The following CNTNAP2 variants were observed in gnomAD, a reference collection of about 807,000 sequenced individuals.
The protein encoded by CNTNAP2 is contactin-associated protein-like 2.
Under a neutral mutation model 155.2 loss-of-function variants are expected in CNTNAP2, and 98 were observed. The observed-to-expected ratio is 0.63, with a 90% CI of 0.54 to 0.75. CNTNAP2 has a LOEUF of 0.75. Among genes scored for constraint, CNTNAP2 ranks in the 30% least tolerant of loss-of-function variants. CNTNAP2 has a pLI of 0.00. For missense variants in CNTNAP2, 1,727 were observed against 1,688.1 expected, an observed-to-expected ratio of 1.02 and a Z score of -0.40; for synonymous variants, 651 against 631.2, an observed-to-expected ratio of 1.03 and a Z score of -0.47.
intron 18 of CNTNAP2, among the ~76,000 whole-genome samples, chr7:148,212,600 C>A (rs1287069088): frequency 1.3e-5 from 2 of 152,156 alleles, no homozygotes; most frequent in Non-Finnish European, 2.9e-5. Flanking sequence ...TTAAACCAAG[C>A]ATTCTAAATC....
intron 1 of CNTNAP2, among the ~76,000 whole-genome samples, chr7:146,487,225 G>T (rs1355699440): frequency 6.6e-6 from 1 of 152,132 alleles, no homozygotes; most frequent in East Asian, 1.9e-4. Flanking sequence ...TTGTTTCAGT[G>T]CCAAACAATG....
chr7:148,255,572 T>TAA (rs1437497711), intron 20 of CNTNAP2, among the ~76,000 whole-genome samples: 1 of 152,210 alleles, frequency 6.6e-6, no homozygotes, highest in East Asian at 1.9e-4. Flanking sequence ...ATTTTTGATA[T>TAA]AAAACATAAA....
At chr7:147,730,308 A>G (rs903718538) in intron 13 of CNTNAP2, among the ~76,000 whole-genome samples, 6 of 152,050 alleles carry the variant, frequency 3.9e-5, no homozygotes, top group African/African-American at 1.4e-4. Context: ...ACTTTTCACA[A>G]ATTGAAGGTT....
chr7:147,781,701 T>C (rs1291419672), intron 13 of CNTNAP2, among the ~76,000 whole-genome samples: 1 of 152,094 alleles, frequency 6.6e-6, no homozygotes, highest in East Asian at 1.9e-4. Flanking sequence ...AGCTTACTAG[T>C]CAAGGAAGCC....
At chr7:146,563,297 T>C (rs1798308759) in intron 1 of CNTNAP2, among the ~76,000 whole-genome samples, 1 of 152,138 alleles carries the variant, frequency 6.6e-6, no homozygotes, top group South Asian at 2.1e-4. Context: ...CCTTTAGATA[T>C]TAATCATCCT....
chr7:148,115,227 T>C (rs536716045), intron 15 of CNTNAP2, among the ~76,000 whole-genome samples: 2 of 152,346 alleles, frequency 1.3e-5, no homozygotes, highest in African/African-American at 4.8e-5. Flanking sequence ...ACTACTTTTC[T>C]CCTCTCTGCG....
At chr7:146,176,036 C>A (rs926603268) in intron 1 of CNTNAP2, among the ~76,000 whole-genome samples, 6 of 151,988 alleles carry the variant, frequency 3.9e-5, no homozygotes, top group African/African-American at 1.2e-4. Context: ...TTATTGCTAC[C>A]CTTGGGGAAA....
At chr7:146,154,235 G>A (rs114219014) in intron 1 of CNTNAP2, among the ~76,000 whole-genome samples, 3,110 of 152,202 alleles carry the variant, frequency 0.02, 92 homozygotes, top group African/African-American at 0.065. Context: ...TTTTTGTGAT[G>A]TAATATAGTG....
chr7:148,144,596 G>A (rs945666563), intron 16 of CNTNAP2, among the ~76,000 whole-genome samples: 1 of 152,292 alleles, frequency 6.6e-6, no homozygotes, highest in Middle Eastern at 3.4e-3. Flanking sequence ...GCCTGCAAGT[G>A]GGGTAAAGTC....
intron 21 of CNTNAP2, among the ~76,000 whole-genome samples, chr7:148,354,612 C>A (rs902279848): frequency 6.6e-6 from 1 of 151,760 alleles, no homozygotes; most frequent in African/African-American, 2.4e-5. Flanking sequence ...AGGGGGCGAC[C>A]GGGAGGAAGC....
intron 22 of CNTNAP2, among the ~76,000 whole-genome samples, chr7:148,389,070 A>G (rs1156998857): frequency 6.6e-6 from 1 of 152,154 alleles, no homozygotes; most frequent in Non-Finnish European, 1.5e-5. Context: ...CAAAGCTCAG[A>G]TGGAAATGCA....
intron 1 of CNTNAP2, among the ~76,000 whole-genome samples, chr7:146,406,409 A>G (rs982254819): frequency 6.6e-6 from 1 of 152,228 alleles, no homozygotes; most frequent in Admixed American, 6.5e-5. Flanking sequence ...CTCTTCAGAC[A>G]TGGTTGAGGA....
At chr7:147,642,417 A>C (rs1449839848) in intron 13 of CNTNAP2, among the ~76,000 whole-genome samples, 1 of 152,132 alleles carries the variant, frequency 6.6e-6, no homozygotes, top group African/African-American at 2.4e-5. Flanking sequence ...GAGGTGGGAA[A>C]ATAGTTCACC....
At chr7:147,553,941 G>A (rs750432117) in intron 11 of CNTNAP2, among the ~76,000 whole-genome samples, 29 of 151,974 alleles carry the variant, frequency 1.9e-4, no homozygotes, top group Non-Finnish European at 4.3e-4. Context: ...CAGCCTAGGC[G>A]ACGAGCAAAA....
At chr7:147,350,810 A>C (rs981424717) in intron 9 of CNTNAP2, among the ~76,000 whole-genome samples, 1 of 151,886 alleles carries the variant, frequency 6.6e-6, no homozygotes, top group African/African-American at 2.4e-5. Flanking sequence ...ATTTGTTCCT[A>C]GTCCATGTGC....
chr7:146,468,941 A>C (rs1425328694), intron 1 of CNTNAP2, among the ~76,000 whole-genome samples: 1 of 152,220 alleles, frequency 6.6e-6, no homozygotes, highest in East Asian at 1.9e-4. Context: ...TTTAAAAAAA[A>C]CTGTGGAAGA....
chr7:146,721,859 A>ATGTGTGTGTG lies in CNTNAP2; in HGVS notation c.98-52404_98-52395dup, dbSNP rs1339848281. ...GTCTATATATATATTCTACATTTATATGTGTGTGTGTGTGTGTATATATAT... is the reference window on the plus strand; with the variant it reads ...GTCTATATATATATTCTACATTTATATGTGTGTGTGTGTGTGTGTGTGTGTGTATATATAT... On this transcript the variant is annotated intron_variant, in intron 1 of 23. Coordinates refer to ENST00000361727, the MANE Select transcript of CNTNAP2 (RefSeq NM_014141.6). 6.5e-5 allele frequency among the ~76,000 whole-genome samples: 6 copies of ATGTGTGTGTG among 92,710 alleles called. No homozygotes were observed. The African/African-American group carries it at 6.6e-4, about 10-fold the overall frequency. The allele number at this position is 92,710 out of a possible 152,430, so 60.8% of individuals were successfully genotyped here.
intron 2 of CNTNAP2, among the ~76,000 whole-genome samples, chr7:146,797,477 T>G (rs1802791922): frequency 6.6e-6 from 1 of 152,196 alleles, no homozygotes. Context: ...ACAGACTATT[T>G]CACTAATAAC....
rs960906739 is a variant in CNTNAP2, at chr7:146,602,657, T to A, written c.98-171614T>A. On this transcript the variant is annotated intron_variant, in intron 1 of 23. Coordinates refer to ENST00000361727, the MANE Select transcript of CNTNAP2 (RefSeq NM_014141.6). ...CCTTGATACTAGTTAAAATTAAATT[T>A]TTTACTGATTGGAAAATACACATAG... 1.8e-4 allele frequency among the ~76,000 whole-genome samples: 28 copies of A among 152,344 alleles called. No individual in the cohort carries two copies. The East Asian group carries it at 4.8e-3, about 26-fold the overall frequency.
Sources: gnomAD v4.1 joint callset for allele counts (sites outside exome capture counted in the v4.1 genomes callset) on GRCh38, gnomAD v4.1.1 for gene constraint, MANE v1.5 for transcripts, NCBI Gene and HGNC (gene_info 2026-07-23, HGNC 2026-07-21) for gene names.